Variants in CCR3 observed in about 807,000 individuals in gnomAD.
The protein encoded by CCR3 is C-C chemokine receptor type 3.
For synonymous variants in CCR3, 203 were observed against 179.2 expected, an observed-to-expected ratio of 1.13 and a Z score of -1.06; for missense variants, 419 against 437.5, an observed-to-expected ratio of 0.96 and a Z score of 0.38.
chr3:46,238,613 C>A (rs920020876), upstream of CCR3, among the ~76,000 whole-genome samples: 2 of 152,182 alleles, frequency 1.3e-5, no homozygotes, highest in Non-Finnish European at 2.9e-5. Flanking sequence ...TTAGCAATAA[C>A]CTGAATACCT....
At chr3:46,215,808 C>A (rs1448805721) in intron 2 of CCR3, among the ~76,000 whole-genome samples, 6 of 152,188 alleles carry the variant, frequency 3.9e-5, no homozygotes, top group Admixed American at 3.9e-4. Flanking sequence ...ACCCAGCACA[C>A]CCCAGCACAT....
chr3:46,228,835 G>T (rs114515123), intron 2 of CCR3, among the ~76,000 whole-genome samples: 1,762 of 152,322 alleles, frequency 0.012, 37 homozygotes, highest in African/African-American at 0.036. Flanking sequence ...CTTGGCATGT[G>T]CCTGCTCATC....
intron 2 of CCR3, among the ~76,000 whole-genome samples, chr3:46,234,979 T>C (rs1700008631): frequency 6.6e-6 from 1 of 152,244 alleles, no homozygotes; most frequent in African/African-American, 2.4e-5. Flanking sequence ...CCCTTTCTCC[T>C]GAAGGGAGCT....
intron 2 of CCR3, among the ~76,000 whole-genome samples, chr3:46,232,202 C>A (rs949464182): frequency 6.6e-6 from 1 of 152,150 alleles, no homozygotes; most frequent in Non-Finnish European, 1.5e-5. Flanking sequence ...GTTAGAGGAA[C>A]AAGCAACAAC....
At chr3:46,248,455 C>G (rs1339812172) in intron 1 of CCR3, among the ~76,000 whole-genome samples, 1 of 152,142 alleles carries the variant, frequency 6.6e-6, no homozygotes, top group Admixed American at 6.6e-5. Context: ...AGAAAGGCTA[C>G]AGGGTGCAGT....
chr3:46,258,984 A>C (rs568046972), intron 1 of CCR3, among the ~76,000 whole-genome samples: 70 of 152,322 alleles, frequency 4.6e-4, no homozygotes, highest in Non-Finnish European at 9.3e-4. Flanking sequence ...TAGAAACAGC[A>C]TTTTAAAAAA....
chr3:46,223,863 C>A (rs574805919), intron 2 of CCR3, among the ~76,000 whole-genome samples: 1 of 152,178 alleles, frequency 6.6e-6, no homozygotes, highest in South Asian at 2.1e-4. Flanking sequence ...GATAGAGGTA[C>A]TAGAGGACAG....
At chr3:46,261,130 T>C (rs933278084) in intron 1 of CCR3, among the ~76,000 whole-genome samples, 4 of 152,216 alleles carry the variant, frequency 2.6e-5, no homozygotes, top group African/African-American at 9.6e-5. Flanking sequence ...AACCTTGATA[T>C]TGTAAAGTTA....
chr3:46,240,954 T>A (rs1287617284), upstream of CCR3, among the ~76,000 whole-genome samples: 1 of 152,244 alleles, frequency 6.6e-6, no homozygotes, highest in Non-Finnish European at 1.5e-5. Context: ...CTATATTGAA[T>A]ATGCTGTAGA....
At chr3:46,260,734 C>T (rs1381814294) in intron 1 of CCR3, among the ~76,000 whole-genome samples, 1 of 152,174 alleles carries the variant, frequency 6.6e-6, no homozygotes, top group Non-Finnish European at 1.5e-5. Flanking sequence ...TTGATAAACA[C>T]AACATGAGGC....
intron 2 of CCR3, among the ~76,000 whole-genome samples, chr3:46,225,000 TAAC>T (rs1699878415): frequency 6.6e-6 from 1 of 152,206 alleles, no homozygotes; most frequent in African/African-American, 2.4e-5. Flanking sequence ...ATGTTGTTAG[TAAC>T]TTTATTCATA....
At chr3:46,237,848 T>C (rs1700039733), upstream of CCR3, among the ~76,000 whole-genome samples, 1 of 152,248 alleles carries the variant, frequency 6.6e-6, no homozygotes, top group Admixed American at 6.5e-5. Flanking sequence ...CATTTTAAGA[T>C]CATTTGTTAT....
rs1304773179 is a variant in CCR3, at chr3:46,266,221, T to A, written c.1063T>A (p.Phe355Ile). 1 of 1,602,828 alleles carries A rather than the reference T, an allele frequency of 6.2e-7. No homozygotes were observed. Among genetic ancestry groups the A allele is most frequent in the South Asian group, 1.1e-5 (1 of 90,272 alleles). The change falls in exon 2 of 2, where the codon TTT becomes ATT. Residue 355 changes from phenylalanine (F) to isoleucine (I), a missense_variant. Physicochemically the swap from Phe to Ile is conservative, Grantham distance 21. Coordinates refer to ENST00000395940, the MANE Select transcript of CCR3 (RefSeq NM_178329.3). ...AGCAGAGCCGGAACTCTCTATTGTG[T>A]TTTAGGTCAGATGCAGAAAATTGCC... ...STAEPELSIV[F>I]
intron 1 of CCR3, among the ~76,000 whole-genome samples, chr3:46,259,788 G>T (rs1327295093): frequency 2.6e-5 from 4 of 152,158 alleles, no homozygotes; most frequent in African/African-American, 7.2e-5. Context: ...TAAAGCACTT[G>T]ATTAAATAGG....
intron 1 of CCR3, among the ~76,000 whole-genome samples, chr3:46,251,448 G>A (rs906419159): frequency 1.1e-4 from 16 of 152,164 alleles, no homozygotes; most frequent in African/African-American, 3.9e-4. Flanking sequence ...AGAGTAAAAA[G>A]AGGCCGCTTA....
At position 46,212,726 on chromosome 3, in the gene CCR3, C is replaced by T. The variant is rs540369914; in HGVS notation, c.-68+1819C>T. ...TGCCCCCTCTCTCCCTACTCTCTGT[C>T]CTGCTCATCTATCCCACTGTGCTTC... On this transcript the variant is annotated intron_variant, in intron 2 of 3. Transcript: ENST00000357422. 2.0e-5 allele frequency among the ~76,000 whole-genome samples: 3 copies of T among 152,288 alleles called. No homozygotes were observed. The East Asian group carries it at 5.8e-4, about 29-fold the overall frequency.
intron 2 of CCR3, among the ~76,000 whole-genome samples, chr3:46,230,950 T>A (rs1699957828): frequency 6.6e-6 from 1 of 152,118 alleles, no homozygotes. Context: ...TTTTTGAAGG[T>A]GTCTCGCTCT....
At chr3:46,264,804 A>G in intron 1 of CCR3, 1 of 374,242 alleles carries the variant, frequency 2.7e-6, no homozygotes, top group Non-Finnish European at 4.8e-6. Context: ...AGTAATAATA[A>G]TGATTATTAT....
intron 2 of CCR3, among the ~76,000 whole-genome samples, chr3:46,212,175 C>A (rs937219086): frequency 1.3e-5 from 2 of 152,200 alleles, no homozygotes; most frequent in Admixed American, 6.5e-5. Flanking sequence ...AGGGCCCAGG[C>A]ACCTCAACTG....
Sources: gnomAD v4.1 joint callset for allele counts (sites outside exome capture counted in the v4.1 genomes callset) on GRCh38, gnomAD v4.1.1 for gene constraint, MANE v1.5 for transcripts, NCBI Gene and HGNC (gene_info 2026-07-23, HGNC 2026-07-21) for gene names.